GHR: variants seen among roughly 807,000 people sequenced by gnomAD.
GHR encodes GH receptor.
In GHR, 35 loss-of-function variants were observed where a neutral mutation model predicts 67.1. That is an observed-to-expected ratio of 0.52 (90% CI 0.40 to 0.69). The LOEUF is 0.69. Ranked by LOEUF, GHR falls within the 30% of genes least tolerant of loss-of-function variation. The pLI, the probability that GHR is intolerant of heterozygous loss-of-function variation, is 0.00. For missense variants in GHR, 792 were observed against 764.6 expected (o/e 1.04, Z -0.42); for synonymous variants, 272 against 269.1 (o/e 1.01, Z -0.10).
At chr5:42,668,555 A>G (rs1756111113) in intron 3 of GHR, among the ~76,000 whole-genome samples, 1 of 152,200 alleles carries the variant, frequency 6.6e-6, no homozygotes, top group Non-Finnish European at 1.5e-5. Flanking sequence ...AGTGTGACAC[A>G]GCTGTCTTAC....
At chr5:42,511,691 GGT>G (rs149170179) in intron 1 of GHR, among the ~76,000 whole-genome samples, 1 of 151,392 alleles carries the variant, frequency 6.6e-6, no homozygotes, top group Non-Finnish European at 1.5e-5. Context: ...TGTGTTTGCA[GGT>G]GTGTGTGTGT....
intron 1 of GHR, chr5:42,468,588 C>T (rs2112085641): frequency 9.9e-7 from 1 of 1,007,730 alleles, no homozygotes; most frequent in South Asian, 1.5e-5. Context: ...GGCTGCGTCT[C>T]CTCTTTCCTG....
chr5:42,488,687 A>G (rs1394678693), intron 1 of GHR, among the ~76,000 whole-genome samples: 1 of 152,152 alleles, frequency 6.6e-6, no homozygotes, highest in Non-Finnish European at 1.5e-5. Context: ...ATCTTTCTTT[A>G]TAATGTAAGT....
intron 1 of GHR, among the ~76,000 whole-genome samples, chr5:42,446,811 A>G (rs1411345835): frequency 6.6e-6 from 1 of 152,226 alleles, no homozygotes; most frequent in African/African-American, 2.4e-5. Flanking sequence ...GAAAACAGCC[A>G]TCCCTATAGT....
intron 3 of GHR, among the ~76,000 whole-genome samples, chr5:42,667,338 A>G (rs898136222): frequency 7.9e-5 from 12 of 152,154 alleles, no homozygotes; most frequent in Non-Finnish European, 1.5e-4. Flanking sequence ...TGGGGATTCA[A>G]TGTATTCTGC....
At chr5:42,678,335 G>A (rs1183151630) in intron 3 of GHR, among the ~76,000 whole-genome samples, 6 of 152,146 alleles carry the variant, frequency 3.9e-5, no homozygotes, top group Non-Finnish European at 8.8e-5. Flanking sequence ...AATAAATAAT[G>A]TCATTCCCAG....
intron 1 of GHR, among the ~76,000 whole-genome samples, chr5:42,446,862 A>G (rs1310985227): frequency 1.3e-5 from 2 of 152,230 alleles, no homozygotes; most frequent in African/African-American, 4.8e-5. Flanking sequence ...ACAAGTGAAC[A>G]CCGCACTTCT....
intron 2 of GHR, among the ~76,000 whole-genome samples, chr5:42,600,881 G>A (rs1054945346): frequency 2.1e-5 from 3 of 139,682 alleles, no homozygotes; most frequent in Non-Finnish European, 4.6e-5. Context: ...AACTGTTACC[G>A]TTCTGTGTCC....
intron 1 of GHR, chr5:42,465,700 T>C (rs931544237): frequency 5.8e-6 from 5 of 866,084 alleles, no homozygotes; most frequent in Admixed American, 5.1e-5. Context: ...CACTGTAATG[T>C]GAAAAAAAAG....
intron 1 of GHR, among the ~76,000 whole-genome samples, chr5:42,532,982 G>A (rs1561101243): frequency 2.0e-5 from 3 of 152,108 alleles, no homozygotes; most frequent in Non-Finnish European, 2.9e-5. Flanking sequence ...CTTAGGATAT[G>A]TACAATTGCA....
intron 1 of GHR, among the ~76,000 whole-genome samples, chr5:42,430,851 A>G (rs2111891622): frequency 6.6e-6 from 1 of 152,194 alleles, no homozygotes; most frequent in South Asian, 2.1e-4. Context: ...TGGACATGCA[A>G]TTTTCAAACC....
At chr5:42,564,302 GA>G (rs1749805494) in intron 1 of GHR, among the ~76,000 whole-genome samples, 1 of 82,740 alleles carries the variant, frequency 1.2e-5, no homozygotes, top group Non-Finnish European at 2.5e-5. Flanking sequence ...CACAAAGTGT[GA>G]GATTTATTTG....
intron 2 of GHR, among the ~76,000 whole-genome samples, chr5:42,628,277 G>T (rs1180821966): frequency 6.6e-6 from 1 of 151,408 alleles, no homozygotes; most frequent in Non-Finnish European, 1.5e-5. Context: ...AAACGGAAAT[G>T]CCTGTTCCCA....
At chr5:42,475,990 C>T (rs1579774520) in intron 1 of GHR, among the ~76,000 whole-genome samples, 1 of 151,388 alleles carries the variant, frequency 6.6e-6, no homozygotes, top group African/African-American at 2.4e-5. Flanking sequence ...CTGCAAGCTC[C>T]GCCTCCCAGG....
chr5:42,646,924 CT>C (rs1561194445), intron 3 of GHR, among the ~76,000 whole-genome samples: 2 of 152,180 alleles, frequency 1.3e-5, no homozygotes, highest in African/African-American at 4.8e-5. Context: ...ATCTTATTTC[CT>C]TTTTTGGCTT....
At chr5:42,460,486 T>G (rs1744442244) in intron 1 of GHR, among the ~76,000 whole-genome samples, 1 of 152,230 alleles carries the variant, frequency 6.6e-6, no homozygotes, top group African/African-American at 2.4e-5. Context: ...CTTATCATAC[T>G]GCTGATCCAT....
At chr5:42,620,195 T>G (rs1291882531) in intron 2 of GHR, among the ~76,000 whole-genome samples, 1 of 152,178 alleles carries the variant, frequency 6.6e-6, no homozygotes, top group Non-Finnish European at 1.5e-5. Context: ...TAGGATCTGA[T>G]GATGTACTTT....
chr5:42,479,365 G>A (rs1207212312), intron 1 of GHR, among the ~76,000 whole-genome samples: 1 of 152,168 alleles, frequency 6.6e-6, no homozygotes, highest in Non-Finnish European at 1.5e-5. Context: ...TTGTGTCTCT[G>A]CCAGGCTTTG....
intron 1 of GHR, among the ~76,000 whole-genome samples, chr5:42,541,702 G>A (rs73751205): frequency 0.027 from 4,170 of 152,248 alleles, 198 homozygotes; most frequent in African/African-American, 0.095. Flanking sequence ...CCTTGGTTAA[G>A]GGAGATAAAG....
Sources: allele counts gnomAD v4.1 joint callset (sites outside exome capture counted in the v4.1 genomes callset), GRCh38; gene constraint gnomAD v4.1.1; transcripts MANE v1.5; gene names NCBI Gene and HGNC (gene_info 2026-07-23, HGNC 2026-07-21).